The following HIVEP1 variants were observed in gnomAD, a reference collection of about 807,000 sequenced individuals.
HIVEP1 encodes the protein zinc finger protein 40.
Under a neutral mutation model 180.0 loss-of-function variants are expected in HIVEP1, and 36 were observed. The ratio of observed to expected loss-of-function variants is 0.20; its 90% CI spans 0.15 to 0.26. The LOEUF is 0.26. Ranked by LOEUF, HIVEP1 falls within the 10% of genes least tolerant of loss-of-function variation. The probability of loss-of-function intolerance (pLI) is 1.00; values close to 1 mark genes in which losing one functional copy is unlikely to be tolerated. For missense variants in HIVEP1, 3,143 were observed against 3,268.7 expected, an observed-to-expected ratio of 0.96 and a Z score of 0.94; for synonymous variants, 1,239 against 1,239.0, an observed-to-expected ratio of 1.00 and a Z score of 0.00.
chr6:12,205,425 T>G, the HIVEP1 span, among the ~76,000 whole-genome samples: 1 of 151,450 alleles, frequency 6.6e-6, no homozygotes, highest in Non-Finnish European at 1.5e-5. Flanking sequence ...GAGCCGAGAT[T>G]GCGCCACTGC....
intron 2 of HIVEP1, among the ~76,000 whole-genome samples, chr6:12,044,790 G>A (rs1770018433): frequency 6.6e-6 from 1 of 151,030 alleles, no homozygotes; most frequent in Non-Finnish European, 1.5e-5. Flanking sequence ...ACAGCTGAGG[G>A]CTCACTGTGC....
At chr6:12,047,221 A>G (rs1770199092) in intron 2 of HIVEP1, among the ~76,000 whole-genome samples, 1 of 152,246 alleles carries the variant, frequency 6.6e-6, no homozygotes, top group Non-Finnish European at 1.5e-5. Context: ...TGTACATTAA[A>G]TAAGTGACAT....
rs749905391 is a variant in HIVEP1, at chr6:12,125,163, G to A, written c.5368G>A (p.Ala1790Thr). 1.2e-6 allele frequency: 2 copies of A among 1,613,986 alleles called. No individual in the cohort carries two copies. Among genetic ancestry groups the A allele is most frequent in the Middle Eastern group, 1.7e-4 (1 of 6,060 alleles). Residue 1790 changes from alanine to threonine, a missense_variant, in exon 4 of 9, where the codon GCT (alanine) becomes ACT (threonine). Ala to Thr is a moderately conservative substitution (Grantham distance 58). Transcript: ENST00000379388. ...LEALSSRVNEASKQKKPILVR... is the reference protein window; with the variant it reads ...LEALSSRVNETSKQKKPILVR... ...GGCTTTGAGTTCGAGAGTTAATGAA[G>A]CTAGTAAACAGAAGAAGCCTATTTT...
intron 2 of HIVEP1, among the ~76,000 whole-genome samples, chr6:12,019,166 C>T (rs1366605356): frequency 1.3e-5 from 2 of 152,118 alleles, no homozygotes; most frequent in South Asian, 2.1e-4. Flanking sequence ...TTCAGGGAAG[C>T]GGCGGCTTCT....
intron 2 of HIVEP1, among the ~76,000 whole-genome samples, chr6:12,019,559 CCTACTGTTTCTG>C (rs1768052689): frequency 6.6e-6 from 1 of 152,144 alleles, no homozygotes; most frequent in South Asian, 2.1e-4. Context: ...CCAGTTTGCC[CCTACTGTTTCTG>C]CCGTCAGCTC....
chr6:12,017,366 T>C (rs1767861561), intron 2 of HIVEP1, among the ~76,000 whole-genome samples: 1 of 152,210 alleles, frequency 6.6e-6, no homozygotes, highest in Non-Finnish European at 1.5e-5. Flanking sequence ...AGTTTCTTTC[T>C]TCTGGTAGGT....
intron 2 of HIVEP1, chr6:12,020,513 C>G: frequency 2.2e-6 from 1 of 462,560 alleles, no homozygotes; most frequent in South Asian, 1.6e-5. Context: ...CTTCTCAGGC[C>G]TTCGCTTGGA....
In HIVEP1 at chr6:12,122,035, G is replaced by A. The variant is rs1451041533; in HGVS notation, c.2240G>A (p.Arg747Gln). The A allele has an allele frequency of 1.2e-6, 2 of 1,614,144 alleles. No homozygotes were observed. The highest frequency in any genetic ancestry group is 8.5e-7 in the Non-Finnish European group (1 of 1,180,032). The change falls in exon 4 of 9, where the codon CGG becomes CAG. Residue 747 changes from arginine (R) to glutamine (Q), a missense_variant. By Grantham distance (43) the Arg-to-Gln change is conservative (BLOSUM62 1). Coordinates refer to ENST00000379388, the MANE Select transcript of HIVEP1 (RefSeq NM_002114.4). The part of the protein sequence containing the change: ...PPLATKTLEE[R>Q]ISKLISDNEA... ...TTGGCCACAAAAACACTTGAGGAGC[G>A]GATATCGAAGCTTATCTCAGACAAT...
chr6:12,079,513 C>A (rs550651854), intron 2 of HIVEP1, among the ~76,000 whole-genome samples: 2 of 152,158 alleles, frequency 1.3e-5, no homozygotes, highest in South Asian at 2.1e-4. Context: ...CAGACAGATG[C>A]TGCTGCTGCC....
intron 2 of HIVEP1, among the ~76,000 whole-genome samples, chr6:12,056,628 C>T (rs1358860056): frequency 6.6e-6 from 1 of 151,982 alleles, no homozygotes; most frequent in East Asian, 1.9e-4. Context: ...TTTTATGCAT[C>T]TTTTAAATTT....
At chr6:12,140,083 G>T (rs187696259) in intron 7 of HIVEP1, among the ~76,000 whole-genome samples, 4 of 152,214 alleles carry the variant, frequency 2.6e-5, no homozygotes, top group African/African-American at 7.2e-5. Flanking sequence ...ACACCTCCCC[G>T]TAGGGGCCGA....
chr6:12,136,123 C>G (rs1758690491), intron 7 of HIVEP1, among the ~76,000 whole-genome samples: 1 of 152,096 alleles, frequency 6.6e-6, no homozygotes, highest in African/African-American at 2.4e-5. Context: ...CTGATCATAC[C>G]TCTCCTCTGC....
At position 12,112,194 on chromosome 6, in the gene HIVEP1, A is replaced by AT. The variant is rs544357737; in HGVS notation, c.95-7687dup. On this transcript the variant is annotated intron_variant, in intron 3 of 8. Transcript: ENST00000379388. ...TCAATATGAAATTCTGGGTTGGACA[A>AT]TTTTTTTTTCTTTCAGTAGTGTAAA... Among the ~76,000 whole-genome samples, 9 of 151,320 alleles carry AT rather than the reference A, an allele frequency of 5.9e-5. No individual in the cohort carries two copies. The South Asian group carries it at 8.3e-4, about 14-fold the overall frequency.
downstream of HIVEP1, among the ~76,000 whole-genome samples, chr6:12,165,340 T>G (rs536445373): frequency 6.6e-6 from 1 of 152,182 alleles, no homozygotes; most frequent in Non-Finnish European, 1.5e-5. Flanking sequence ...AACCCCATTG[T>G]CCTTAGAATT....
rs373814049 is a variant in HIVEP1 at position 12,124,975 on chromosome 6, A to G, written c.5180A>G (p.Gln1727Arg). 1.9e-6 allele frequency: 3 copies of G among 1,614,194 alleles called. No homozygotes were observed. Among genetic ancestry groups the G allele is most frequent in the Non-Finnish European group, 8.5e-7 (1 of 1,180,038 alleles). ...SSLSESLPITQKISVGRLSPQ... is the reference protein window; with the variant it reads ...SSLSESLPITRKISVGRLSPQ... ...CTATCAGAATCCTTGCCCATAACTC[A>G]GAAAATATCTGTTGGTCGACTTTCC... Residue 1727 changes from glutamine to arginine, a missense_variant, in exon 4 of 9, where the codon CAG (glutamine) becomes CGG (arginine). Gln to Arg is a conservative substitution (Grantham distance 43, BLOSUM62 1). This residue lies in a region of HIVEP1 where 1,357 missense variants were observed against 1,260.5 expected (regional missense o/e 1.08). Coordinates refer to ENST00000379388, the MANE Select transcript of HIVEP1 (RefSeq NM_002114.4).
At chr6:12,067,728 C>G (rs925019977) in intron 2 of HIVEP1, among the ~76,000 whole-genome samples, 5 of 152,040 alleles carry the variant, frequency 3.3e-5, no homozygotes, top group African/African-American at 1.2e-4. Context: ...AGACCATGCA[C>G]TCCATGGTCT....
At chr6:12,132,424 T>C (rs1758470838) in intron 6 of HIVEP1, among the ~76,000 whole-genome samples, 1 of 151,966 alleles carries the variant, frequency 6.6e-6, no homozygotes, top group Non-Finnish European at 1.5e-5. Context: ...TATTTCTCAA[T>C]AGAAAGAAGA....
At chr6:12,061,159 A>G (rs1771205906) in intron 2 of HIVEP1, among the ~76,000 whole-genome samples, 1 of 152,150 alleles carries the variant, frequency 6.6e-6, no homozygotes, top group African/African-American at 2.4e-5. Flanking sequence ...GTGTTTGTGC[A>G]AGTGCCTGTG....
At chr6:12,209,384 G>A in the HIVEP1 span, among the ~76,000 whole-genome samples, 8 of 152,188 alleles carry the variant, frequency 5.3e-5, no homozygotes, top group Non-Finnish European at 1.2e-4. Context: ...AGTGAGTCCA[G>A]ATAGCACCGC....
Sources: gnomAD v4.1 joint callset for allele counts (sites outside exome capture counted in the v4.1 genomes callset) on GRCh38, gnomAD v4.1.1 for gene constraint, gnomAD v4.1.1 regional missense constraint, MANE v1.5 for transcripts, NCBI Gene and HGNC (gene_info 2026-07-23, HGNC 2026-07-21) for gene names.